Variants in NCOA1 observed in about 807,000 individuals in gnomAD.
NCOA1 encodes the protein Hin-2 protein.
Under a neutral mutation model 150.9 loss-of-function variants are expected in NCOA1, and 35 were observed. The observed-to-expected ratio is 0.23, with a 90% CI of 0.18 to 0.31. The LOEUF is 0.31. NCOA1 is among the 10% of genes least tolerant of loss of function. The probability of loss-of-function intolerance (pLI) is 1.00; values close to 1 mark genes in which losing one functional copy is unlikely to be tolerated. For missense variants in NCOA1, 1,491 were observed against 1,749.3 expected (o/e 0.85, Z 2.63); for synonymous variants, 590 against 630.0 (o/e 0.94, Z 0.95).
At chr2:24,681,649 GA>G (rs950404295) in intron 7 of NCOA1, among the ~76,000 whole-genome samples, 3 of 150,472 alleles carry the variant, frequency 2.0e-5, no homozygotes, top group Non-Finnish European at 3.0e-5. Context: ...AATCCTGAAG[GA>G]AAAAAAATTT....
rs958331966 is a variant in NCOA1, at chr2:24,690,611, C to T, written c.533-870C>T. On this transcript the variant is annotated intron_variant, in intron 8 of 22. Coordinates refer to ENST00000348332, the MANE Select transcript of NCOA1 (RefSeq NM_003743.5). ...AGGTTGTGGTGAGCCGAGATCACACCATTGCACTCCAGCATGGGTGACAAA... is the reference window on the plus strand; with the variant it reads ...AGGTTGTGGTGAGCCGAGATCACACTATTGCACTCCAGCATGGGTGACAAA... Among the ~76,000 whole-genome samples, 10 of 118,432 alleles carry T rather than the reference C, an allele frequency of 8.4e-5. No homozygotes were observed. The Admixed American group carries it at 1.0e-3, about 12-fold the overall frequency. The allele number at this position is 118,432 out of a possible 152,430, so 77.7% of individuals were successfully genotyped here.
chr2:24,613,440 G>A (rs1668726918), intron 3 of NCOA1, among the ~76,000 whole-genome samples: 1 of 152,200 alleles, frequency 6.6e-6, no homozygotes, highest in Admixed American at 6.5e-5. Context: ...GTCCCCTGAT[G>A]GCAGGCACAA....
At chr2:24,692,048 A>T (rs1672689558) in intron 9 of NCOA1, among the ~76,000 whole-genome samples, 1 of 151,520 alleles carries the variant, frequency 6.6e-6, no homozygotes, top group Admixed American at 6.6e-5. Flanking sequence ...ACATTGGAGA[A>T]TAGAGTTGGC....
At chr2:24,608,699 GT>G (rs1156429218) in intron 3 of NCOA1, among the ~76,000 whole-genome samples, 5 of 100,280 alleles carry the variant, frequency 5.0e-5, no homozygotes, top group East Asian at 6.7e-4. Flanking sequence ...TCTTGTTGTT[GT>G]TGTGTTTTTT....
intron 1 of NCOA1, among the ~76,000 whole-genome samples, chr2:24,563,704 A>G (rs895628518): frequency 6.6e-6 from 1 of 151,996 alleles, no homozygotes; most frequent in Non-Finnish European, 1.5e-5. Flanking sequence ...TTTTTGTAGA[A>G]ACAGAGTTTT....
At chr2:24,707,916 G>GTCAT (rs762499443) in intron 13 of NCOA1, 28 bp downstream of exon 13, 4 of 1,551,668 alleles carry the variant, frequency 2.6e-6, no homozygotes, top group Non-Finnish European at 3.5e-6. Context: ...TCACAGAATG[G>GTCAT]TCATTCTTAG....
intron 1 of NCOA1, among the ~76,000 whole-genome samples, chr2:24,531,967 T>C (rs1664920894): frequency 6.6e-6 from 1 of 152,240 alleles, no homozygotes. Flanking sequence ...TTTGGGTATA[T>C]ACCCAGTAAT....
chr2:24,569,962 A>G (rs1167511124), intron 2 of NCOA1, among the ~76,000 whole-genome samples: 1 of 151,536 alleles, frequency 6.6e-6, no homozygotes, highest in Non-Finnish European at 1.5e-5. Context: ...TACTTCCCAG[A>G]GTCAAAATGC....
At chr2:24,630,080 C>T (rs1327865150) in intron 3 of NCOA1, among the ~76,000 whole-genome samples, 2 of 151,836 alleles carry the variant, frequency 1.3e-5, no homozygotes, top group African/African-American at 4.8e-5. Flanking sequence ...CTCCTGACCT[C>T]GTGATCCGCC....
intron 2 of NCOA1, among the ~76,000 whole-genome samples, chr2:24,575,855 G>A (rs1043302855): frequency 7.9e-5 from 12 of 152,170 alleles, no homozygotes; most frequent in African/African-American, 2.9e-4. Flanking sequence ...TTACAGGTGT[G>A]AGCCACCGCT....
At chr2:24,654,122 C>T (rs1670823516) in intron 4 of NCOA1, among the ~76,000 whole-genome samples, 1 of 152,036 alleles carries the variant, frequency 6.6e-6, no homozygotes, top group Non-Finnish European at 1.5e-5. Context: ...TTTGTTAGTT[C>T]CAGTAATACA....
intron 17 of NCOA1, among the ~76,000 whole-genome samples, chr2:24,735,046 A>G (rs1663225283): frequency 6.6e-6 from 1 of 152,238 alleles, no homozygotes; most frequent in Non-Finnish European, 1.5e-5. Flanking sequence ...TTTGATCCTC[A>G]TCTTATACAA....
intron 5 of NCOA1, among the ~76,000 whole-genome samples, chr2:24,665,202 G>A (rs1023553052): frequency 2.0e-5 from 3 of 151,692 alleles, no homozygotes; most frequent in Non-Finnish European, 4.4e-5. Context: ...CTGTACCTTC[G>A]TCTCTAATTA....
At chr2:24,537,561 A>G (rs1665212695) in intron 1 of NCOA1, among the ~76,000 whole-genome samples, 2 of 152,008 alleles carry the variant, frequency 1.3e-5, no homozygotes, top group African/African-American at 4.8e-5. Flanking sequence ...ACTGGTTACC[A>G]CAGGTGGGAT....
intron 2 of NCOA1, among the ~76,000 whole-genome samples, chr2:24,577,399 G>T (rs1667034944): frequency 6.6e-6 from 1 of 152,184 alleles, no homozygotes; most frequent in African/African-American, 2.4e-5. Context: ...TTTACTGACA[G>T]AAGTATACAT....
chr2:24,637,026 T>C (rs1440813057), intron 3 of NCOA1, among the ~76,000 whole-genome samples: 1 of 151,832 alleles, frequency 6.6e-6, no homozygotes, highest in East Asian at 1.9e-4. Context: ...TAATAGCGTA[T>C]CCCTCATCTC....
intron 17 of NCOA1, among the ~76,000 whole-genome samples, chr2:24,737,541 T>C (rs1469414756): frequency 6.6e-6 from 1 of 152,214 alleles, no homozygotes; most frequent in East Asian, 1.9e-4. Context: ...AATGTATTTT[T>C]ACCTGGCCTC....
chr2:24,581,082 T>G (rs1479074965), intron 2 of NCOA1, among the ~76,000 whole-genome samples: 1 of 152,218 alleles, frequency 6.6e-6, no homozygotes, highest in Non-Finnish European at 1.5e-5. Context: ...CTTGCCCACA[T>G]TGATTTCTCC....
intron 1 of NCOA1, among the ~76,000 whole-genome samples, chr2:24,558,093 A>G (rs944982806): frequency 8.6e-5 from 13 of 151,596 alleles, no homozygotes; most frequent in African/African-American, 3.2e-4. Flanking sequence ...TCCTGGGAGT[A>G]ATAGACATTC....
Sources: gnomAD v4.1 joint callset for allele counts (sites outside exome capture counted in the v4.1 genomes callset) on GRCh38, gnomAD v4.1.1 for gene constraint, MANE v1.5 for transcripts, NCBI Gene and HGNC (gene_info 2026-07-23, HGNC 2026-07-21) for gene names.